Variants in HTT observed in about 807,000 individuals in gnomAD.
HTT encodes huntington disease protein.
HTT carries 104 observed loss-of-function variants against 362.3 expected under a neutral mutation model. The ratio of observed to expected loss-of-function variants is 0.29; its 90% CI spans 0.24 to 0.34. The LOEUF (loss-of-function observed/expected upper bound fraction) is 0.34. Among genes scored for constraint, HTT ranks in the 10% least tolerant of loss-of-function variants. The probability of loss-of-function intolerance (pLI) is 1.00; values close to 1 mark genes in which losing one functional copy is unlikely to be tolerated. For missense variants in HTT, 3,301 were observed against 3,928.6 expected (o/e 0.84, Z 4.27); for synonymous variants, 1,577 against 1,548.7 (o/e 1.02, Z -0.43).
intron 40 of HTT, among the ~76,000 whole-genome samples, chr4:3,195,813 C>T (rs1031659354): frequency 6.6e-6 from 1 of 152,144 alleles, no homozygotes. Context: ...TGGTTCTGTT[C>T]TCCAGGCCTT....
At chr4:3,145,299 C>A in intron 24 of HTT, 71 bp downstream of exon 24, 2 of 1,073,210 alleles carry the variant, frequency 1.9e-6, no homozygotes, top group Non-Finnish European at 1.4e-6. Flanking sequence ...TATTAGGATG[C>A]CCTTTTTCTT....
intron 21 of HTT, among the ~76,000 whole-genome samples, chr4:3,137,172 C>T (rs1361215129): frequency 6.6e-6 from 1 of 151,966 alleles, no homozygotes; most frequent in Non-Finnish European, 1.5e-5. Context: ...TCCCAAAGTG[C>T]TGGGATTACA....
rs202150164 is a variant in HTT at position 3,105,354 on chromosome 4, C to T, written c.529-3C>T. 7.2e-4 allele frequency: 1,159 copies of T among 1,611,252 alleles called. 5 individuals are homozygous for T. In the Middle Eastern group the frequency reaches 0.014, roughly 19 times the overall value. On this transcript the variant is annotated splice_polypyrimidine_tract_variant and splice_region_variant and intron_variant, in intron 4 of 66. Transcript: ENST00000355072. ...TAATGCAACCCTCATTGCACCCCCT[C>T]AGAATGGTGCCCCTCGGAGTTTGCG... is the stretch of plus-strand genomic sequence containing the variant.
At chr4:3,075,423 T>C (rs957992014) in intron 1 of HTT, among the ~76,000 whole-genome samples, 3 of 152,218 alleles carry the variant, frequency 2.0e-5, no homozygotes, top group Admixed American at 6.5e-5. Flanking sequence ...AGAACTTGTT[T>C]CTTTTTATTT....
rs775042228 is a variant in HTT at position 3,094,035 on chromosome 4, TC to T, written c.348-5238del. Among the ~76,000 whole-genome samples the T allele has an allele frequency of 6.6e-5, 10 of 151,124 alleles. 1 individual carries two copies. Among genetic ancestry groups the T allele is most frequent in the Admixed American group, 6.6e-5 (1 of 15,056 alleles). On this transcript the variant is annotated intron_variant, in intron 2 of 66. Transcript: ENST00000355072. Reference sequence around the variant, plus strand: ...GCAGATAAACATGTAAACAAAGGTCTCTGGTTTTCCTAGGCAGAGGGCCCTG... The same window carrying T: ...GCAGATAAACATGTAAACAAAGGTCTTGGTTTTCCTAGGCAGAGGGCCCTG...
At chr4:3,239,802 C>A in intron 66 of HTT, 44 bp from the exon 67 acceptor site, 1 of 1,409,904 alleles carries the variant, frequency 7.1e-7, no homozygotes, top group East Asian at 2.5e-5. Flanking sequence ...AGGGAGGCAG[C>A]ATTCCCCTCA....
chr4:3,215,748 C>T (rs1475717565), intron 51 of HTT, among the ~76,000 whole-genome samples: 1 of 152,048 alleles, frequency 6.6e-6, no homozygotes, highest in Non-Finnish European at 1.5e-5. Context: ...GTGATTTAAG[C>T]CAGTTATAGA....
At position 3,140,560 on chromosome 4, in the gene HTT, T is replaced by C. The variant is rs1049922567; in HGVS notation, c.2849T>C (p.Val950Ala). 6 of 1,613,936 alleles carry C rather than the reference T, an allele frequency of 3.7e-6. No homozygotes were observed. The highest frequency in any genetic ancestry group is 5.1e-6 in the Non-Finnish European group (6 of 1,179,924). The change falls in exon 22 of 67, where the codon GTA becomes GCA. Residue 950 changes from valine (V) to alanine (A), a missense_variant. Coordinates refer to ENST00000355072, the MANE Select transcript of HTT (RefSeq NM_001388492.1). ...YKCDQGQADP[V>A]VAVARDQSSV... The stretch of plus-strand genomic sequence containing the variant: ...TGTGACCAAGGACAAGCTGATCCAG[T>C]AGTGGCCGTGGCAAGAGATCAAAGC...
Position 3,229,970 on chromosome 4 carries a change from C to T in HTT, c.8193C>T (p.His2731=), listed in dbSNP as rs1199481983. 2 of 1,614,068 alleles carry T rather than the reference C, an allele frequency of 1.2e-6. No individual in the cohort carries two copies. Among genetic ancestry groups the T allele is most frequent in the East Asian group, 4.5e-5 (2 of 44,884 alleles). The change falls in exon 60 of 67, where the codon CAC becomes CAT. Residue 2731 remains histidine, a synonymous_variant. Transcript: ENST00000355072. ...YVTLTELRRV[H]PSEDEILAQY... ...CGCTGACAGAACTGCGAAGGGTGCA[C>T]CCTTCAGAAGACGAGATCCTCGCTC...
intron 1 of HTT, among the ~76,000 whole-genome samples, chr4:3,083,554 C>G (rs1007023662): frequency 6.8e-6 from 1 of 147,908 alleles, no homozygotes; most frequent in African/African-American, 2.5e-5. Flanking sequence ...CACACACACA[C>G]ACACACACAC....
chr4:3,203,824 T>C (rs981506021), intron 41 of HTT, among the ~76,000 whole-genome samples, 183 bp from the exon 42 acceptor site: 1 of 152,274 alleles, frequency 6.6e-6, no homozygotes, highest in African/African-American at 2.4e-5. Flanking sequence ...TCATATGTGG[T>C]TTATTGTAGC....
At chr4:3,202,812 G>A (rs1012119180) in intron 41 of HTT, among the ~76,000 whole-genome samples, 1 of 152,088 alleles carries the variant, frequency 6.6e-6, no homozygotes, top group African/African-American at 2.4e-5. Context: ...GGGAGTTCAA[G>A]ACTAGCCTGG....
At position 3,095,087 on chromosome 4, in the gene HTT, C is replaced by T. The variant is rs559418242; in HGVS notation, c.348-4187C>T. Among the ~76,000 whole-genome samples, 53 of 152,252 alleles carry T rather than the reference C, an allele frequency of 3.5e-4. 1 individual carries two copies. In the South Asian group the frequency reaches 0.01, roughly 29 times the overall value. ...GGCTCCTCACATCCCAGACGATGGG[C>T]GGCCAGGCAGAAACGCTCCTCACTT... On this transcript the variant is annotated intron_variant, in intron 2 of 66. Transcript: ENST00000355072.
At position 3,236,296 on chromosome 4, in the gene HTT, G is replaced by T. The variant is rs368980713; in HGVS notation, c.8891+42G>T. 4 of 1,391,368 alleles carry T rather than the reference G, an allele frequency of 2.9e-6. No individual in the cohort carries two copies. The African/African-American group carries it at 4.3e-5, about 15-fold the overall frequency. 86.2% of individuals were successfully genotyped at this position (1,391,368 alleles called of 1,614,324 possible). A position where few individuals can be genotyped will look rare whatever the true frequency, so the allele number is the denominator to read the frequency against. On this transcript the variant is annotated intron_variant, in intron 64 of 66. Coordinates refer to ENST00000355072, the MANE Select transcript of HTT (RefSeq NM_001388492.1). Reference sequence around the variant, plus strand: ...CATCCCTCAGCCGTTAGCTTCCCTAGAACTTTGGCCTGAAGCTGTGCTTTT... The same window carrying T: ...CATCCCTCAGCCGTTAGCTTCCCTATAACTTTGGCCTGAAGCTGTGCTTTT...
chr4:3,185,597 A>C (rs1053711944), intron 37 of HTT, among the ~76,000 whole-genome samples: 8 of 152,216 alleles, frequency 5.3e-5, no homozygotes, highest in Admixed American at 2.0e-4. Flanking sequence ...AGACTATTTT[A>C]GCTTGGGCTA....
At chr4:3,134,350 T>TACTGAGTGGGACTA in intron 18 of HTT, 51 bp from the exon 19 acceptor site, 1 of 1,557,124 alleles carries the variant, frequency 6.4e-7, no homozygotes, top group East Asian at 2.3e-5. Context: ...AAGACGCGGG[T>TACTGAGTGGGACTA]ACTGAGTGGG....
chr4:3,121,454 C>G (rs200713186), intron 9 of HTT, 22 bp downstream of exon 9: 1 of 1,546,064 alleles, frequency 6.5e-7, no homozygotes, highest in East Asian at 2.2e-5. Context: ...GCAAGGTCTA[C>G]TCTTACAATT....
intron 65 of HTT, 87 bp from the exon 66 acceptor site, chr4:3,238,730 GC>G: frequency 9.1e-7 from 1 of 1,097,030 alleles, no homozygotes; most frequent in Non-Finnish European, 1.3e-6. Context: ...AATGCCTCTG[GC>G]CCCCACCCCA....
Position 3,140,497 on chromosome 4 carries a change from A to G in HTT, c.2799-13A>G. ...CTACTTTCTTAAGCAAATTAACCTTACTTTTGTGTTAGGCTTGTCCCAAAG... is the reference window on the plus strand; with the variant it reads ...CTACTTTCTTAAGCAAATTAACCTTGCTTTTGTGTTAGGCTTGTCCCAAAG... On this transcript the variant is annotated splice_polypyrimidine_tract_variant and intron_variant, in intron 21 of 66. Coordinates refer to ENST00000355072, the MANE Select transcript of HTT (RefSeq NM_001388492.1). 3 of 1,613,372 alleles carry G rather than the reference A, an allele frequency of 1.9e-6. No homozygotes were observed. Among genetic ancestry groups the G allele is most frequent in the Non-Finnish European group, 2.5e-6 (3 of 1,179,526 alleles).
Sources: gnomAD v4.1 joint callset for allele counts (sites outside exome capture counted in the v4.1 genomes callset) on GRCh38, gnomAD v4.1.1 for gene constraint, MANE v1.5 for transcripts, NCBI Gene and HGNC (gene_info 2026-07-23, HGNC 2026-07-21) for gene names.